Variants in GCLC observed in about 807,000 individuals in gnomAD.
The protein encoded by GCLC is glutamate-cysteine ligase catalytic subunit.
In GCLC, 30 loss-of-function variants were observed where a neutral mutation model predicts 81.5. The observed-to-expected ratio is 0.37, with a 90% confidence interval of 0.28 to 0.50. GCLC has a LOEUF of 0.50. GCLC is among the 20% of genes least tolerant of loss of function. GCLC has a pLI of 0.96. For synonymous variants in GCLC, 262 were observed against 273.3 expected (o/e 0.96, Z 0.41); for missense variants, 556 against 777.4 (o/e 0.72, Z 3.39).
At position 53,498,939 on chromosome 6, in the gene GCLC, C is replaced by T; in HGVS notation, c.1731G>A (p.Met577Ile). The T allele has an allele frequency of 1.2e-6, 2 of 1,613,170 alleles. No homozygotes were observed. Among genetic ancestry groups the T allele is most frequent in the Non-Finnish European group, 1.7e-6 (2 of 1,179,290 alleles). Residue 577 changes from methionine to isoleucine, a missense_variant, in exon 16 of 16, where the codon ATG becomes ATA. Met to Ile is a conservative substitution (Grantham distance 10). This residue lies in a region of GCLC where 313 missense variants were observed against 437.3 expected (regional missense o/e 0.72). Transcript: ENST00000650454. ...SGELMTVARW[M>I]REFIANHPDY... ...CAGGATGGTTTGCGATAAACTCCCT[C>T]ATCCATCTGGCAACTGTCATTAGTT...
At chr6:53,538,262 C>T (rs758516505) in intron 1 of GCLC, among the ~76,000 whole-genome samples, 19 of 150,496 alleles carry the variant, frequency 1.3e-4, no homozygotes, top group Non-Finnish European at 2.1e-4. Flanking sequence ...AGTGATCCTT[C>T]CACCTCAGCC....
At chr6:53,524,961 G>A (rs926235064) in intron 1 of GCLC, among the ~76,000 whole-genome samples, 2 of 152,044 alleles carry the variant, frequency 1.3e-5, no homozygotes, top group African/African-American at 4.8e-5. Context: ...AATGCCAAAC[G>A]GATGACATTT....
intron 3 of GCLC, among the ~76,000 whole-genome samples, chr6:53,518,946 G>A (rs764569347): frequency 2.6e-5 from 4 of 152,106 alleles, no homozygotes; most frequent in Admixed American, 6.5e-5. Context: ...GCAGTTCACT[G>A]ACTCTGTCAT....
At chr6:53,505,174 T>G (rs1224350488) in intron 12 of GCLC, 14 of 515,556 alleles carry the variant, frequency 2.7e-5, no homozygotes, top group Non-Finnish European at 4.9e-5. Context: ...GAAATCAATG[T>G]GTAGGACTAC....
At chr6:53,526,223 G>A (rs1763078275) in intron 1 of GCLC, among the ~76,000 whole-genome samples, 1 of 152,174 alleles carries the variant, frequency 6.6e-6, no homozygotes, top group African/African-American at 2.4e-5. Context: ...GTCATTTAAT[G>A]CAGGTTTAAA....
Position 53,544,502 on chromosome 6 carries a change from G to T in GCLC, c.144C>A (p.Gly48=). The T allele has an allele frequency of 6.2e-7, 1 of 1,607,792 alleles. No individual in the cohort carries two copies. Among genetic ancestry groups the T allele is most frequent in the Non-Finnish European group, 8.5e-7 (1 of 1,179,540 alleles). ...KDRHKDVLKW[G]DEVEYMLVSF... is the part of the protein sequence containing the mutation. ...GGGGACCGCGGGCGCTCACCTCATCGCCCCACTTGAGAACGTCCTTGTGCC... is the reference window on the plus strand; with the variant it reads ...GGGGACCGCGGGCGCTCACCTCATCTCCCCACTTGAGAACGTCCTTGTGCC... Residue 48 remains glycine (G), a synonymous_variant, in exon 1 of 16, where the codon GGC becomes GGA. Transcript: ENST00000650454.
At chr6:53,520,433 T>A (rs1440802164) in intron 3 of GCLC, among the ~76,000 whole-genome samples, 1 of 152,228 alleles carries the variant, frequency 6.6e-6, no homozygotes, top group Non-Finnish European at 1.5e-5. Flanking sequence ...AAGCTTTGGC[T>A]ACTGCTTACA....
chr6:53,533,406 C>T (rs1462783585), intron 1 of GCLC, among the ~76,000 whole-genome samples: 1 of 152,196 alleles, frequency 6.6e-6, no homozygotes, highest in Non-Finnish European at 1.5e-5. Context: ...AATCCAGAGG[C>T]TTCTTGTCCT....
chr6:53,544,731 G>C lies in GCLC; in HGVS notation c.-86C>G. 7.4e-7 allele frequency: 1 copy of C among 1,343,226 alleles called. No individual in the cohort carries two copies. The highest frequency in any genetic ancestry group is 1.0e-6 in the Non-Finnish European group (1 of 1,001,570). 83.2% of individuals were successfully genotyped at this position (1,343,226 alleles called of 1,614,324 possible). ...CGAGACGGACACTCAGCCGCCCGCA[G>C]AAGGCGGCTGCCGCTCCACCCCGCG... On this transcript the variant is annotated 5_prime_UTR_variant, in exon 1 of 16. Coordinates refer to ENST00000650454, the MANE Select transcript of GCLC (RefSeq NM_001498.4).
chr6:53,524,058 C>T (rs1763042190), intron 1 of GCLC: 1 of 152,182 alleles, frequency 6.6e-6, no homozygotes, highest in Non-Finnish European at 1.5e-5. Context: ...ACAGCTAAAA[C>T]CTGGAAACAG....
chr6:53,544,401 G>T, intron 1 of GCLC, 95 bp downstream of exon 1: 1 of 1,362,082 alleles, frequency 7.3e-7, no homozygotes, highest in Non-Finnish European at 1.0e-6. Context: ...TGGAGAACGC[G>T]GACCGCGATA....
intron 1 of GCLC, among the ~76,000 whole-genome samples, chr6:53,534,519 G>T (rs1467550053): frequency 6.6e-6 from 1 of 151,106 alleles, no homozygotes; most frequent in African/African-American, 2.4e-5. Flanking sequence ...GAAAATATAT[G>T]AAAGAATAAT....
chr6:53,509,758 TCCG>T (rs1403928078), intron 6 of GCLC: 1 of 174,226 alleles, frequency 5.7e-6, no homozygotes, highest in Non-Finnish European at 1.2e-5. Flanking sequence ...ACGCCATTCT[TCCG>T]CCTCAGCCTC....
At position 53,500,092 on chromosome 6, in the gene GCLC, C is replaced by T; in HGVS notation, c.1655G>A (p.Arg552Lys). 1 of 1,609,314 alleles carries T rather than the reference C, an allele frequency of 6.2e-7. No individual in the cohort carries two copies. Among genetic ancestry groups the T allele is most frequent in the South Asian group, 1.1e-5 (1 of 90,994 alleles). ...LENMEVDVDT[R>K]CSILNYLKLI... ...CTTTAGGTAGTTCAGAATACTACAT[C>T]TGGTGTCCACATCCACTTCCATGTT... The change falls in exon 15 of 16, where the codon AGA (arginine) becomes AAA (lysine). Residue 552 changes from arginine (R) to lysine (K), a missense_variant. By Grantham distance (26) the Arg-to-Lys change is conservative (BLOSUM62 2). Transcript: ENST00000650454.
chr6:53,511,725 T>C (rs1039996446), intron 6 of GCLC, among the ~76,000 whole-genome samples: 1 of 151,276 alleles, frequency 6.6e-6, no homozygotes, highest in Non-Finnish European at 1.5e-5. Flanking sequence ...ACATGACTAA[T>C]TTGGGCTTCT....
At chr6:53,537,787 T>C (rs547222) in intron 1 of GCLC, among the ~76,000 whole-genome samples, 26,585 of 152,044 alleles carry the variant, frequency 0.17, 3,947 homozygotes, top group African/African-American at 0.36. Flanking sequence ...CATTCCTCAA[T>C]GACCACAGCT....
intron 3 of GCLC, among the ~76,000 whole-genome samples, chr6:53,517,737 C>T (rs905606378): frequency 6.6e-6 from 1 of 152,114 alleles, no homozygotes; most frequent in African/African-American, 2.4e-5. Context: ...CTGCTTCATT[C>T]TAGAGCAGTG....
At chr6:53,543,808 A>T in intron 1 of GCLC, among the ~76,000 whole-genome samples, 1 of 152,222 alleles carries the variant, frequency 6.6e-6, no homozygotes, top group East Asian at 1.9e-4. Flanking sequence ...CTGGTTTGTA[A>T]AGTTTAGTTG....
At chr6:53,534,484 C>CAAAAAACAA (rs1554155292) in intron 1 of GCLC, among the ~76,000 whole-genome samples, 2 of 130,764 alleles carry the variant, frequency 1.5e-5, no homozygotes, top group African/African-American at 2.9e-5. Flanking sequence ...AACCAAAAAA[C>CAAAAAACAA]AAAAAAAAAA....
Sources: gnomAD v4.1 joint callset for allele counts (sites outside exome capture counted in the v4.1 genomes callset) on GRCh38, gnomAD v4.1.1 for gene constraint, gnomAD v4.1.1 regional missense constraint, MANE v1.5 for transcripts, NCBI Gene and HGNC (gene_info 2026-07-23, HGNC 2026-07-21) for gene names.